The following FILIP1L variants were observed in gnomAD, a reference collection of about 807,000 sequenced individuals.
The protein encoded by FILIP1L is filamin A-interacting protein 1-like.
A neutral mutation model predicts 96.6 loss-of-function variants in FILIP1L; 55 were observed. The observed-to-expected ratio is 0.57, with a 90% CI of 0.46 to 0.71. The LOEUF (loss-of-function observed/expected upper bound fraction) is 0.71, where lower values mean the gene tolerates loss of function less well. FILIP1L is among the 30% of genes least tolerant of loss of function. FILIP1L has a pLI of 0.00. For synonymous variants in FILIP1L, 467 were observed against 473.9 expected (o/e 0.99, Z 0.19); for missense variants, 1,304 against 1,321.2 (o/e 0.99, Z 0.20).
chr3:99,869,686 C>T (rs1430471124), intron 4 of FILIP1L, among the ~76,000 whole-genome samples: 1 of 152,200 alleles, frequency 6.6e-6, no homozygotes, highest in East Asian at 1.9e-4. Context: ...AACAGGCAGA[C>T]ACTTAAGTCT....
chr3:100,012,883 C>T (rs796880460), intron 1 of FILIP1L, among the ~76,000 whole-genome samples: 102 of 151,904 alleles, frequency 6.7e-4, no homozygotes, highest in African/African-American at 2.4e-3. Flanking sequence ...AAGCAGTCCT[C>T]CCATCTCAGC....
At chr3:99,892,101 CTG>C (rs1706100972) in intron 4 of FILIP1L, among the ~76,000 whole-genome samples, 1 of 152,188 alleles carries the variant, frequency 6.6e-6, no homozygotes, top group African/African-American at 2.4e-5. Flanking sequence ...TACCAAACCT[CTG>C]TGAGAAATAG....
chr3:99,933,435 A>G (rs1232290499), intron 1 of FILIP1L, among the ~76,000 whole-genome samples: 1 of 152,188 alleles, frequency 6.6e-6, no homozygotes, highest in Admixed American at 6.5e-5. Context: ...TGAGATTGGG[A>G]AAAACCTCAT....
intron 4 of FILIP1L, among the ~76,000 whole-genome samples, chr3:99,903,273 ACG>A (rs1706497613): frequency 6.7e-6 from 1 of 149,836 alleles, no homozygotes; most frequent in Admixed American, 6.8e-5. Flanking sequence ...TTTTTTTGAG[ACG>A]GAATCTCGCT....
chr3:99,852,996 G>A (rs1361299106), intron 4 of FILIP1L, among the ~76,000 whole-genome samples: 1 of 152,210 alleles, frequency 6.6e-6, no homozygotes, highest in African/African-American at 2.4e-5. Context: ...ATGCTAGGCA[G>A]GATGCTGGGG....
At chr3:99,988,288 G>A (rs1041101903) in intron 1 of FILIP1L, among the ~76,000 whole-genome samples, 1 of 147,030 alleles carries the variant, frequency 6.8e-6, no homozygotes, top group Non-Finnish European at 1.5e-5. Context: ...ACGAGGTTGG[G>A]AGATGGAGAC....
intron 1 of FILIP1L, among the ~76,000 whole-genome samples, chr3:100,014,438 A>G (rs544732713): frequency 2.0e-5 from 3 of 152,086 alleles, no homozygotes; most frequent in Admixed American, 1.3e-4. Context: ...TGTAATAGCT[A>G]TTATAATTTA....
rs138578657 is a variant in FILIP1L, at chr3:99,899,059, G to A, written c.605+25171C>T. 2.4e-4 allele frequency among the ~76,000 whole-genome samples: 37 copies of A among 152,286 alleles called. No homozygotes were observed. In the East Asian group the frequency reaches 6.4e-3, roughly 26 times the overall value. On this transcript the variant is annotated intron_variant, in intron 4 of 5. Transcript: ENST00000477258. ...AAATGTGGTTATTCCTCCTTATTAGGACCTCAAAGACAGCTACAGTGAATG... is the reference window on the plus strand; with the variant it reads ...AAATGTGGTTATTCCTCCTTATTAGAACCTCAAAGACAGCTACAGTGAATG...
At chr3:99,871,688 G>A (rs538264724) in intron 4 of FILIP1L, among the ~76,000 whole-genome samples, 1 of 152,246 alleles carries the variant, frequency 6.6e-6, no homozygotes, top group Non-Finnish European at 1.5e-5. Flanking sequence ...CGTCTGAGGA[G>A]TGCAAAATGC....
chr3:100,097,312 T>A (rs1293096785), intron 1 of FILIP1L, among the ~76,000 whole-genome samples: 1 of 152,176 alleles, frequency 6.6e-6, no homozygotes, highest in Non-Finnish European at 1.5e-5. Context: ...TGGGAACCAC[T>A]GTTGTATTAG....
chr3:99,976,294 C>T lies in FILIP1L; in HGVS notation c.-10-45264G>A, dbSNP rs145074584. Among the ~76,000 whole-genome samples the T allele has an allele frequency of 3.0e-3, 451 of 152,234 alleles. 9 individuals are homozygous for T. The highest frequency in any genetic ancestry group is 1.4e-3 in the Non-Finnish European group (95 of 68,012). ...AAGATACTGTGGCCCATATGCTACG[C>T]GTTCCTGCTTATAACCAAATAATTA... On this transcript the variant is annotated intron_variant, in intron 1 of 5. Transcript: ENST00000477258.
chr3:100,045,729 A>T (rs575230522), intron 1 of FILIP1L, among the ~76,000 whole-genome samples: 3 of 152,332 alleles, frequency 2.0e-5, no homozygotes, highest in South Asian at 2.1e-4. Context: ...TAGGAAGGCA[A>T]AGCCTTTACA....
Position 99,966,072 on chromosome 3 carries a change from A to G in FILIP1L, c.-10-35042T>C, listed in dbSNP as rs74921744. ...GAGGTTAATAGGGGTACAGCACAAC[A>G]GTGTTGTAACACAGAAAGTGATATT... On this transcript the variant is annotated intron_variant, in intron 1 of 5. Transcript: ENST00000477258. Among the ~76,000 whole-genome samples the G allele has an allele frequency of 3.1e-3, 470 of 152,350 alleles. 5 individuals are homozygous for G. Among genetic ancestry groups the G allele is most frequent in the African/African-American group, 0.01 (431 of 41,570 alleles).
intron 1 of FILIP1L, among the ~76,000 whole-genome samples, chr3:99,970,775 T>C (rs1559708475): frequency 6.6e-6 from 1 of 152,216 alleles, no homozygotes; most frequent in Non-Finnish European, 1.5e-5. Flanking sequence ...TTTACCATTC[T>C]AAAGACCTTA....
chr3:100,111,335 C>T (rs114804534), intron 1 of FILIP1L, among the ~76,000 whole-genome samples: 1 of 152,076 alleles, frequency 6.6e-6, no homozygotes, highest in Non-Finnish European at 1.5e-5. Flanking sequence ...TTTTCTAGAA[C>T]TTTATTTAAG....
chr3:99,959,123 A>G lies in FILIP1L; in HGVS notation c.-10-28093T>C, dbSNP rs1031588437. On this transcript the variant is annotated intron_variant, in intron 1 of 5. Transcript: ENST00000477258. Reference sequence around the variant, plus strand: ...AAAAAATTCATTGTGTAAATGTTCAAGTAGTTTCCATTTTTCCCAAACTTT... The same window carrying G: ...AAAAAATTCATTGTGTAAATGTTCAGGTAGTTTCCATTTTTCCCAAACTTT... 2.0e-5 allele frequency among the ~76,000 whole-genome samples: 3 copies of G among 152,302 alleles called. No individual in the cohort carries two copies. In the South Asian group the frequency reaches 6.2e-4, roughly 32 times the overall value.
chr3:99,939,509 C>T (rs928663073), intron 1 of FILIP1L, among the ~76,000 whole-genome samples: 5 of 152,212 alleles, frequency 3.3e-5, no homozygotes, highest in Admixed American at 3.3e-4. Context: ...TGTGCCCCTT[C>T]AGCCCAGGGT....
At chr3:99,897,367 C>T (rs1347360600) in intron 4 of FILIP1L, among the ~76,000 whole-genome samples, 1 of 149,448 alleles carries the variant, frequency 6.7e-6, no homozygotes, top group African/African-American at 2.5e-5. Context: ...TAGACTTTGT[C>T]TCAAAAAAAA....
intron 1 of FILIP1L, among the ~76,000 whole-genome samples, chr3:99,957,914 A>G (rs1219475474): frequency 6.7e-6 from 1 of 150,124 alleles, no homozygotes; most frequent in Admixed American, 6.6e-5. Flanking sequence ...CTGTGTTTGG[A>G]ACCTGTTTAA....
Sources: gnomAD v4.1 joint callset for allele counts (sites outside exome capture counted in the v4.1 genomes callset) on GRCh38, gnomAD v4.1.1 for gene constraint, MANE v1.5 for transcripts, NCBI Gene and HGNC (gene_info 2026-07-23, HGNC 2026-07-21) for gene names.